Variants in LGR4 observed in about 807,000 individuals in gnomAD.
LGR4 encodes leucine rich repeat containing G protein-coupled receptor 4.
Under a neutral mutation model 84.8 loss-of-function variants are expected in LGR4, and 44 were observed. That is an observed-to-expected ratio of 0.52 (90% CI 0.41 to 0.67). LGR4 has a LOEUF of 0.67. LGR4 is among the 30% of genes least tolerant of loss of function. The pLI is 0.00. For synonymous variants in LGR4, 429 were observed against 434.3 expected, an observed-to-expected ratio of 0.99 and a Z score of 0.15; for missense variants, 1,032 against 1,131.4, an observed-to-expected ratio of 0.91 and a Z score of 1.26.
chr11:27,390,958 A>G, intron 4 of LGR4, 136 bp downstream of exon 4: 1 of 562,554 alleles, frequency 1.8e-6, no homozygotes, highest in East Asian at 3.0e-5. Flanking sequence ...GGACGTTTTG[A>G]TAACATTGAC....
At chr11:27,378,789 T>G in intron 10 of LGR4, 21 bp from the exon 11 acceptor site, 1 of 1,574,364 alleles carries the variant, frequency 6.4e-7, no homozygotes, top group Non-Finnish European at 8.7e-7. Flanking sequence ...ACATTATTCA[T>G]GTAAGAAATA....
At chr11:27,415,401 T>C (rs974753194) in intron 1 of LGR4, among the ~76,000 whole-genome samples, 1 of 152,064 alleles carries the variant, frequency 6.6e-6, no homozygotes, top group Non-Finnish European at 1.5e-5. Context: ...GACACATAAT[T>C]AGAGACAATT....
intron 1 of LGR4, among the ~76,000 whole-genome samples, chr11:27,442,403 C>T (rs1012568349): frequency 2.0e-5 from 3 of 152,198 alleles, no homozygotes; most frequent in African/African-American, 7.2e-5. Context: ...CATGCAGCTA[C>T]ACAACTACGT....
At chr11:27,456,646 A>C (rs188649790) in intron 1 of LGR4, among the ~76,000 whole-genome samples, 1 of 152,330 alleles carries the variant, frequency 6.6e-6, no homozygotes, top group Admixed American at 6.5e-5. Context: ...AAGTCCACGG[A>C]AGAAAGAAAA....
At chr11:27,443,633 T>A (rs1185707211) in intron 1 of LGR4, among the ~76,000 whole-genome samples, 1 of 152,232 alleles carries the variant, frequency 6.6e-6, no homozygotes, top group Non-Finnish European at 1.5e-5. Context: ...TATATACATA[T>A]ACATTGTTTT....
intron 13 of LGR4, among the ~76,000 whole-genome samples, chr11:27,375,195 T>G (rs1416961532): frequency 6.7e-6 from 1 of 149,896 alleles, no homozygotes; most frequent in Non-Finnish European, 1.5e-5. Flanking sequence ...TTCAGGAGGT[T>G]GAGGCAGGAG....
At chr11:27,381,797 G>C (rs1410322211) in intron 7 of LGR4, among the ~76,000 whole-genome samples, 1 of 152,080 alleles carries the variant, frequency 6.6e-6, no homozygotes, top group Non-Finnish European at 1.5e-5. Context: ...TCCTTTTGGT[G>C]ATGTTTTCTG....
At chr11:27,414,759 CAGAAA>C (rs60981098) in intron 1 of LGR4, among the ~76,000 whole-genome samples, 30,191 of 151,870 alleles carry the variant, frequency 0.2, 3,132 homozygotes, top group East Asian at 0.27. Flanking sequence ...AAACAGGGGT[CAGAAA>C]AGGCAGGCGC....
In LGR4 at chr11:27,374,113, T is replaced by C; in HGVS notation, c.1182-67A>G. On this transcript the variant is annotated intron_variant, in intron 13 of 17. Transcript: ENST00000379214. ...CTCAGAATGCCACTTACTTAGACTATACTTTAGAATTAGAGGTAGTAACAC... is the reference window on the plus strand; with the variant it reads ...CTCAGAATGCCACTTACTTAGACTACACTTTAGAATTAGAGGTAGTAACAC... 8.1e-6 allele frequency: 8 copies of C among 986,292 alleles called. 1 individual carries two copies. Among genetic ancestry groups the C allele is most frequent in the South Asian group, 5.2e-5 (4 of 76,970 alleles). The allele number at this position is 986,292 out of a possible 1,614,324, so 61.1% of individuals were successfully genotyped here.
intron 1 of LGR4, among the ~76,000 whole-genome samples, chr11:27,429,316 C>A (rs1240871636): frequency 6.6e-6 from 1 of 152,152 alleles, no homozygotes; most frequent in African/African-American, 2.4e-5. Context: ...GAAACCTCAT[C>A]TTTAGTAAAA....
chr11:27,368,010 G>A lies in LGR4; in HGVS notation c.2713C>T (p.His905Tyr), dbSNP rs768803019. 1.2e-6 allele frequency: 2 copies of A among 1,614,072 alleles called. No individual in the cohort carries two copies. Among genetic ancestry groups the A allele is most frequent in the East Asian group, 2.2e-5 (1 of 44,868 alleles). The change falls in exon 18 of 18, where the codon CAC (histidine) becomes TAC (tyrosine). Residue 905 changes from histidine (H) to tyrosine (Y), a missense_variant. Transcript: ENST00000379214. ...TCTTCTTCATCTGCATAATCAGAGT[G>A]GGCCGACTGTGTGCCACAGTCGGAC... Reference protein sequence around the residue: ...YWSDCGTQSAHSDYADEEDSF... With the variant: ...YWSDCGTQSAYSDYADEEDSF...
chr11:27,450,375 T>C (rs1864461452), intron 1 of LGR4, among the ~76,000 whole-genome samples: 1 of 152,258 alleles, frequency 6.6e-6, no homozygotes, highest in Admixed American at 6.5e-5. Flanking sequence ...TCCGGCAGAA[T>C]ATCTTCAATT....
At chr11:27,415,342 C>T (rs77995236) in intron 1 of LGR4, among the ~76,000 whole-genome samples, 2,617 of 152,210 alleles carry the variant, frequency 0.017, 81 homozygotes, top group African/African-American at 0.059. Context: ...TTAATTTCCT[C>T]ATCAGAAAAA....
At chr11:27,412,558 A>G (rs1196951643) in intron 2 of LGR4, among the ~76,000 whole-genome samples, 1 of 152,140 alleles carries the variant, frequency 6.6e-6, no homozygotes, top group Non-Finnish European at 1.5e-5. Flanking sequence ...AAGAAGTCCT[A>G]TGGAAGTAGC....
chr11:27,386,040 A>G (rs1362064350), intron 4 of LGR4, among the ~76,000 whole-genome samples: 2 of 152,166 alleles, frequency 1.3e-5, no homozygotes, highest in Non-Finnish European at 2.9e-5. Flanking sequence ...TGTACAGGCA[A>G]AGCAACTTTT....
At chr11:27,436,779 T>A (rs561862818) in intron 1 of LGR4, among the ~76,000 whole-genome samples, 4 of 152,220 alleles carry the variant, frequency 2.6e-5, no homozygotes, top group Non-Finnish European at 5.9e-5. Context: ...TTTGTTCATA[T>A]GTTATTACGT....
At chr11:27,402,038 G>A (rs1259347124) in intron 2 of LGR4, among the ~76,000 whole-genome samples, 1 of 152,186 alleles carries the variant, frequency 6.6e-6, no homozygotes, top group Non-Finnish European at 1.5e-5. Flanking sequence ...TGTGAATATA[G>A]AGAGGTACTC....
chr11:27,391,490 T>C (rs544290780), intron 3 of LGR4, among the ~76,000 whole-genome samples: 3 of 152,314 alleles, frequency 2.0e-5, no homozygotes, highest in Admixed American at 6.5e-5. Context: ...TATTAGTTAA[T>C]GTTAATTAGG....
At chr11:27,406,609 C>G (rs1863615206) in intron 2 of LGR4, among the ~76,000 whole-genome samples, 1 of 152,260 alleles carries the variant, frequency 6.6e-6, no homozygotes, top group Admixed American at 6.5e-5. Context: ...AATCTCTACT[C>G]TGAGAGCTCC....
Sources: allele counts gnomAD v4.1 joint callset (sites outside exome capture counted in the v4.1 genomes callset), GRCh38; gene constraint gnomAD v4.1.1; transcripts MANE v1.5; gene names NCBI Gene and HGNC (gene_info 2026-07-23, HGNC 2026-07-21).